The following FRMD8 variants were observed in gnomAD, a reference collection of about 807,000 sequenced individuals.
FRMD8 encodes the protein FERM domain containing 8.
Under a neutral mutation model 54.2 loss-of-function variants are expected in FRMD8, and 37 were observed. The observed-to-expected ratio is 0.68, with a 90% CI of 0.53 to 0.90. The LOEUF is 0.90. Among genes scored for constraint, FRMD8 ranks in the 40% least tolerant of loss-of-function variants. The pLI, the probability that FRMD8 is intolerant of heterozygous loss-of-function variation, is 0.00. For missense variants in FRMD8, 585 were observed against 653.7 expected (o/e 0.89, Z 1.15); for synonymous variants, 246 against 286.9 (o/e 0.86, Z 1.44).
the FRMD8 span, chr11:65,376,460 C>T: frequency 6.4e-5 from 103 of 1,614,178 alleles, no homozygotes; most frequent in Non-Finnish European, 7.7e-5. Context: ...ACAGCATTGA[C>T]GGGAAAGGCG....
chr11:65,385,287 C>T (rs1406658580), upstream of FRMD8, among the ~76,000 whole-genome samples: 1 of 152,226 alleles, frequency 6.6e-6, no homozygotes, highest in African/African-American at 2.4e-5. Context: ...CAGCCCACAT[C>T]TGAGCTTCCT....
At chr11:65,376,652 C>T in the FRMD8 span, 3 of 1,614,066 alleles carry the variant, frequency 1.9e-6, no homozygotes, top group South Asian at 3.3e-5. Context: ...GCAAAGCCCC[C>T]TGCCACCAGC....
intron 10 of FRMD8, among the ~76,000 whole-genome samples, chr11:65,409,752 T>C (rs1590662844): frequency 6.8e-6 from 1 of 147,076 alleles, no homozygotes; most frequent in African/African-American, 2.5e-5. Flanking sequence ...GGTGACAGAG[T>C]GAGACCCTGT....
At chr11:65,387,375 A>G (rs1311032763) in intron 2 of FRMD8, 2 of 619,948 alleles carry the variant, frequency 3.2e-6, no homozygotes, top group Non-Finnish European at 5.8e-6. Context: ...GATTATATGA[A>G]TGAAAAGTGA....
chr11:65,409,231 C>T (rs114717836), intron 10 of FRMD8, among the ~76,000 whole-genome samples: 1,587 of 152,080 alleles, frequency 0.01, 34 homozygotes, highest in African/African-American at 0.036. Flanking sequence ...GGATTGCAGG[C>T]GCCCACCACC....
chr11:65,381,969 ACTGGTGGCT>A, upstream of FRMD8: 1 of 1,612,344 alleles, frequency 6.2e-7, no homozygotes. Flanking sequence ...GCTTGCGGGA[ACTGGTGGCT>A]CCAGCAGAGG....
chr11:65,384,093 C>T (rs1855690922), upstream of FRMD8, among the ~76,000 whole-genome samples: 2 of 152,164 alleles, frequency 1.3e-5, no homozygotes, highest in Admixed American at 1.3e-4. Flanking sequence ...CTCACCGCCT[C>T]ACCCCAGTTT....
chr11:65,387,099 C>T lies in FRMD8; in HGVS notation c.63C>T (p.Ser21=), dbSNP rs755400226. The T allele has an allele frequency of 6.2e-7, 1 of 1,607,006 alleles. No individual in the cohort carries two copies. The highest frequency in any genetic ancestry group is 8.5e-7 in the Non-Finnish European group (1 of 1,179,968). ...CCGCTGAGCGATCCCACCGAAGCAG[C>T]GTGTCCTCCGTGGGAGCCCGAGGTG... ...PGPAERSHRS[S]VSSVGARAAD... is the part of the protein sequence containing the mutation. The change falls in exon 2 of 11, where the codon AGC becomes AGT. Residue 21 remains serine, a synonymous_variant. Transcript: ENST00000317568.
At chr11:65,387,566 T>C (rs1855758275) in intron 2 of FRMD8, among the ~76,000 whole-genome samples, 1 of 151,898 alleles carries the variant, frequency 6.6e-6, no homozygotes, top group Admixed American at 6.6e-5. Context: ...TTTGACAGAG[T>C]CTCCCTCTGT....
the FRMD8 span, chr11:65,378,913 T>C: frequency 6.0e-6 from 1 of 165,868 alleles, no homozygotes; most frequent in East Asian, 1.9e-4. Flanking sequence ...TCCCAGGTCA[T>C]GGGCACCCAA....
intron 10 of FRMD8, among the ~76,000 whole-genome samples, chr11:65,405,624 AAAATAAAT>A (rs547447537): frequency 6.6e-6 from 1 of 152,050 alleles, no homozygotes; most frequent in Non-Finnish European, 1.5e-5. Context: ...CTCCGTCTCA[AAAATAAAT>A]AAATAAATAA....
At chr11:65,384,100 G>C (rs1565590897), upstream of FRMD8, among the ~76,000 whole-genome samples, 1 of 152,098 alleles carries the variant, frequency 6.6e-6, no homozygotes, top group East Asian at 1.9e-4. Flanking sequence ...CCTCACCCCA[G>C]TTTGAGAAAG....
At position 65,411,223 on chromosome 11, in the gene FRMD8, C is replaced by A; in HGVS notation, c.1277-19C>A. ...AGGGACAGCGCCTCTGCTCAGTGTGCCCTCCCATTCCCTCGCAGGCAAGGG... is the reference window on the plus strand; with the variant it reads ...AGGGACAGCGCCTCTGCTCAGTGTGACCTCCCATTCCCTCGCAGGCAAGGG... On this transcript the variant is annotated intron_variant, in intron 10 of 10. Transcript: ENST00000317568. 1 of 1,589,832 alleles carries A rather than the reference C, an allele frequency of 6.3e-7. No homozygotes were observed. The highest frequency in any genetic ancestry group is 8.6e-7 in the Non-Finnish European group (1 of 1,165,130).
intron 10 of FRMD8, among the ~76,000 whole-genome samples, chr11:65,405,955 C>T (rs1309356307): frequency 1.3e-5 from 2 of 151,624 alleles, no homozygotes; most frequent in South Asian, 2.1e-4. Context: ...CAGTGAGCTA[C>T]GATTGTACCA....
intron 3 of FRMD8, among the ~76,000 whole-genome samples, chr11:65,389,762 CG>C (rs1855807081): frequency 6.6e-6 from 1 of 152,162 alleles, no homozygotes; most frequent in Non-Finnish European, 1.5e-5. Context: ...GGAGTGGACA[CG>C]CCTGCCCCCC....
the FRMD8 span, among the ~76,000 whole-genome samples, chr11:65,368,958 G>A: frequency 3.9e-5 from 6 of 152,136 alleles, no homozygotes; most frequent in East Asian, 1.2e-3. Context: ...AGGGTTACAC[G>A]AATGAGAGTG....
At chr11:65,375,010 C>T in the FRMD8 span, among the ~76,000 whole-genome samples, 9 of 47,902 alleles carry the variant, frequency 1.9e-4, no homozygotes, top group South Asian at 4.7e-3. Flanking sequence ...AAACAAGCAC[C>T]ATTGGCTGGG....
chr11:65,411,025 C>G lies in FRMD8; in HGVS notation c.1277-217C>G, dbSNP rs1856317683. On this transcript the variant is annotated intron_variant, in intron 10 of 10. Transcript: ENST00000317568. ...CTTCTCTTGGCTATGAAGGACCCTC[C>G]TTGTCTGTGATGACCTTAGGTCGGC... Among the ~76,000 whole-genome samples the G allele has an allele frequency of 2.6e-5, 4 of 152,192 alleles. No homozygotes were observed. In the South Asian group the frequency reaches 8.3e-4, roughly 31 times the overall value.
At chr11:65,379,529 G>A in the FRMD8 span, 1 of 1,612,396 alleles carries the variant, frequency 6.2e-7, no homozygotes, top group South Asian at 1.1e-5. Flanking sequence ...TGCTGGCAAT[G>A]GGGAAGCTCA....
Sources: gnomAD v4.1 joint callset for allele counts (sites outside exome capture counted in the v4.1 genomes callset) on GRCh38, gnomAD v4.1.1 for gene constraint, MANE v1.5 for transcripts, NCBI Gene and HGNC (gene_info 2026-07-23, HGNC 2026-07-21) for gene names.